Variants in TCP11L2 observed in about 807,000 individuals in gnomAD.
TCP11L2 encodes the protein t-complex 11 like 2.
Under a neutral mutation model 50.7 loss-of-function variants are expected in TCP11L2, and 39 were observed. The ratio of observed to expected loss-of-function variants is 0.77; its 90% CI spans 0.60 to 1.01. The LOEUF (loss-of-function observed/expected upper bound fraction) is 1.01. TCP11L2 is among the 50% of genes least tolerant of loss of function. TCP11L2 has a pLI of 0.00. For synonymous variants in TCP11L2, 192 were observed against 219.3 expected (o/e 0.88, Z 1.10); for missense variants, 612 against 614.7 (o/e 1.00, Z 0.05).
At chr12:106,317,905 G>C (rs1412844596) in intron 3 of TCP11L2, among the ~76,000 whole-genome samples, 1 of 152,226 alleles carries the variant, frequency 6.6e-6, no homozygotes, top group African/African-American at 2.4e-5. Flanking sequence ...TAAGTCTGAA[G>C]TTGGCAGGCA....
rs1396440945 is a variant in TCP11L2, at chr12:106,346,483, A to T, written c.1513A>T (p.Asn505Tyr). ...AAATATACTTCGAAAGCTGCTCTTC[A>T]ATGAGGAAGCCATGGGGAAGGTAGA... is the stretch of plus-strand genomic sequence containing the variant. ...YANILRKLLF[N>Y]EEAMGKVDAS... Residue 505 changes from asparagine (N) to tyrosine (Y), a missense_variant, in exon 10 of 10, where the codon AAT becomes TAT. Transcript: ENST00000299045. 6.2e-7 allele frequency: 1 copy of T among 1,614,174 alleles called. No homozygotes were observed. The highest frequency in any genetic ancestry group is 2.2e-5 in the East Asian group (1 of 44,886).
Position 106,329,295 on chromosome 12 carries a change from C to T in TCP11L2, c.772+5649C>T, listed in dbSNP as rs148416646. The T allele has an allele frequency of 1.9e-5, 29 of 1,535,968 alleles. No individual in the cohort carries two copies. The African/African-American group carries it at 2.9e-4, about 15-fold the overall frequency. ...TGCCCAGTGGTTTTCGTCAAATAAA[C>T]GAATGAGTGGAAAAATTCTTAATCC... On this transcript the variant is annotated intron_variant, in intron 6 of 9. Coordinates refer to ENST00000299045, the MANE Select transcript of TCP11L2 (RefSeq NM_152772.3).
chr12:106,318,415 A>G lies in TCP11L2; in HGVS notation c.365A>G (p.Asp122Gly). The change falls in exon 4 of 10, where the codon GAC becomes GGC. Residue 122 changes from aspartate (D) to glycine (G), a missense_variant. By Grantham distance (94) the Asp-to-Gly change is moderately conservative. Transcript: ENST00000299045. ...WDVLDSELNA[D>G]PPEFEHAIKL... The stretch of plus-strand genomic sequence containing the variant: ...GTCTTGGATTCAGAACTAAATGCTG[A>G]CCCTCCTGAGTTTGAACATGCCATC... The G allele has an allele frequency of 6.2e-7, 1 of 1,614,004 alleles. No homozygotes were observed. Among genetic ancestry groups the G allele is most frequent in the African/African-American group, 1.3e-5 (1 of 75,028 alleles).
chr12:106,314,245 TA>T, intron 2 of TCP11L2, 112 bp from the exon 3 acceptor site: 1 of 1,142,922 alleles, frequency 8.7e-7, no homozygotes, highest in Non-Finnish European at 1.2e-6. Flanking sequence ...TCCTGACCTA[TA>T]AAACTCTGAA....
rs1592972175 is a variant in TCP11L2, at chr12:106,334,988, C to G, written c.773-651C>G. On this transcript the variant is annotated intron_variant, in intron 6 of 9. Coordinates refer to ENST00000299045, the MANE Select transcript of TCP11L2 (RefSeq NM_152772.3). ...ATAATATTATTCAAAACTCCCCATT[C>G]CCATCGCTGGTGTTTGTAACCTGGG... Among the ~76,000 whole-genome samples, 3 of 152,072 alleles carry G rather than the reference C, an allele frequency of 2.0e-5. No homozygotes were observed. The East Asian group carries it at 5.8e-4, about 29-fold the overall frequency.
chr12:106,324,270 T>G (rs1336694044), intron 6 of TCP11L2: 1 of 151,968 alleles, frequency 6.6e-6, no homozygotes, highest in Non-Finnish European at 1.5e-5. Context: ...GGAAGGGGCA[T>G]GTAAAGATGG....
rs369272301 is a variant in TCP11L2, at chr12:106,311,124, G to A, written c.49G>A (p.Asp17Asn). 16 of 1,614,190 alleles carry A rather than the reference G, an allele frequency of 9.9e-6. No individual in the cohort carries two copies. Among genetic ancestry groups the A allele is most frequent in the East Asian group, 4.5e-5 (2 of 44,876 alleles). Reference sequence around the variant, plus strand: ...GTGTGTGGGAGAGGACCAGCCAAGCGATTCTGATTCTTCCCGGTTTTCCGA... The same window carrying A: ...GTGTGTGGGAGAGGACCAGCCAAGCAATTCTGATTCTTCCCGGTTTTCCGA... The part of the protein sequence containing the change: ...KQCVGEDQPS[D>N]SDSSRFSESM... Residue 17 changes from aspartate (D) to asparagine (N), a missense_variant, in exon 2 of 10, where the codon GAT becomes AAT. By Grantham distance (23) the Asp-to-Asn change is conservative. Coordinates refer to ENST00000299045, the MANE Select transcript of TCP11L2 (RefSeq NM_152772.3).
chr12:106,335,081 C>G (rs1214786271), intron 6 of TCP11L2, among the ~76,000 whole-genome samples: 1 of 152,150 alleles, frequency 6.6e-6, no homozygotes, highest in Non-Finnish European at 1.5e-5. Flanking sequence ...TGCACATTCA[C>G]TTTGGGAAAG....
chr12:106,329,965 T>G (rs1565854963), intron 6 of TCP11L2: 6 of 985,508 alleles, frequency 6.1e-6, no homozygotes, highest in Non-Finnish European at 7.2e-6. Context: ...AAATTATCCC[T>G]GCTCAAGTGC....
intron 1 of TCP11L2, 138 bp from the exon 2 acceptor site, chr12:106,310,902 TG>T (rs1565838305): frequency 2.8e-6 from 2 of 705,680 alleles, no homozygotes; most frequent in Non-Finnish European, 4.6e-6. Flanking sequence ...GCCAAGGTGC[TG>T]GGGGAAGGAT....
At chr12:106,322,760 A>G (rs910907807) in intron 5 of TCP11L2, among the ~76,000 whole-genome samples, 11 of 152,190 alleles carry the variant, frequency 7.2e-5, no homozygotes, top group Non-Finnish European at 1.5e-4. Flanking sequence ...GGGCAGGTTA[A>G]TAGACTCTCA....
chr12:106,321,820 C>A (rs763610462), intron 5 of TCP11L2, 114 bp downstream of exon 5: 2 of 820,038 alleles, frequency 2.4e-6, no homozygotes, highest in African/African-American at 1.7e-5. Flanking sequence ...ATTACTGACC[C>A]TAGAAGAAAA....
chr12:106,318,591 G>C (rs1256629811), intron 4 of TCP11L2, 127 bp downstream of exon 4: 12 of 1,190,142 alleles, frequency 1.0e-5, no homozygotes, highest in African/African-American at 3.1e-5. Flanking sequence ...AGGCTGGGAA[G>C]TCCAAAATCA....
intron 2 of TCP11L2, among the ~76,000 whole-genome samples, chr12:106,313,840 A>G (rs1183765281): frequency 2.1e-5 from 3 of 139,960 alleles, no homozygotes; most frequent in African/African-American, 8.1e-5. Context: ...ATCTTGGCTC[A>G]CTGCAAGCTC....
upstream of TCP11L2, among the ~76,000 whole-genome samples, chr12:106,301,353 T>G (rs1451249788): frequency 1.3e-5 from 2 of 152,208 alleles, no homozygotes; most frequent in Non-Finnish European, 2.9e-5. Flanking sequence ...AACTAATACT[T>G]AGAGTGCTTA....
In TCP11L2 at chr12:106,314,343, T is replaced by C. The variant is rs758068352; in HGVS notation, c.158-15T>C. ...TTTCTTCTGCAACATTAACTGGCTTTTGTTTTTCTTTCAGCAACAAGCCCT... is the reference window on the plus strand; with the variant it reads ...TTTCTTCTGCAACATTAACTGGCTTCTGTTTTTCTTTCAGCAACAAGCCCT... On this transcript the variant is annotated splice_polypyrimidine_tract_variant and intron_variant, in intron 2 of 9. Coordinates refer to ENST00000299045, the MANE Select transcript of TCP11L2 (RefSeq NM_152772.3). The C allele has an allele frequency of 6.3e-6, 10 of 1,593,900 alleles. No individual in the cohort carries two copies. The highest frequency in any genetic ancestry group is 8.6e-6 in the Non-Finnish European group (10 of 1,164,698).
At position 106,335,666 on chromosome 12, in the gene TCP11L2, T is replaced by C. The variant is rs142195519; in HGVS notation, c.800T>C (p.Ile267Thr). 8.3e-5 allele frequency: 134 copies of C among 1,614,100 alleles called. 1 individual carries two copies. The highest frequency in any genetic ancestry group is 1.6e-4 in the Middle Eastern group (1 of 6,084). Residue 267 changes from isoleucine (I) to threonine (T), a missense_variant, in exon 7 of 10, where the codon ATA (isoleucine) becomes ACA (threonine). Coordinates refer to ENST00000299045, the MANE Select transcript of TCP11L2 (RefSeq NM_152772.3). ...PSALDQTTEW[I>T]KESVNEELFS... ...GCTCTTGATCAGACTACAGAATGGATAAAAGAATCTGTAAATGAAGAATTA... is the reference window on the plus strand; with the variant it reads ...GCTCTTGATCAGACTACAGAATGGACAAAAGAATCTGTAAATGAAGAATTA...
intron 2 of TCP11L2, among the ~76,000 whole-genome samples, chr12:106,313,718 TATA>T (rs1037907426): frequency 1.3e-5 from 2 of 151,314 alleles, no homozygotes; most frequent in Non-Finnish European, 2.9e-5. Flanking sequence ...ATATAATACA[TATA>T]ATAAGTGCAG....
intron 2 of TCP11L2, chr12:106,312,257 ATTTTTT>A (rs55891003): frequency 6.4e-3 from 1,872 of 290,442 alleles, no homozygotes; most frequent in East Asian, 8.5e-3. Context: ...TTTAGTTTCC[ATTTTTT>A]TTTTTTTTTT....
Sources: allele counts gnomAD v4.1 joint callset (sites outside exome capture counted in the v4.1 genomes callset), GRCh38; gene constraint gnomAD v4.1.1; transcripts MANE v1.5; gene names NCBI Gene and HGNC (gene_info 2026-07-23, HGNC 2026-07-21).